The following CSMD1 variants were observed in gnomAD, a reference collection of about 807,000 sequenced individuals.
CSMD1 encodes the protein CUB and Sushi multiple domains 1.
Under a neutral mutation model 417.5 loss-of-function variants are expected in CSMD1, and 213 were observed. The observed-to-expected ratio is 0.51, with a 90% CI of 0.46 to 0.57. CSMD1 has a LOEUF of 0.57. Among genes scored for constraint, CSMD1 ranks in the 20% least tolerant of loss-of-function variants. The probability of loss-of-function intolerance (pLI) is 0.00; values close to 1 mark genes in which losing one functional copy is unlikely to be tolerated. For synonymous variants in CSMD1, 2,862 were observed against 1,736.8 expected (o/e 1.65, Z -16.11); for missense variants, 6,923 against 4,529.7 (o/e 1.53, Z -15.17).
chr8:3,913,557 A>G (rs1027686850), intron 5 of CSMD1, among the ~76,000 whole-genome samples: 1 of 152,186 alleles, frequency 6.6e-6, no homozygotes, highest in Non-Finnish European at 1.5e-5. Flanking sequence ...ATAATAAGGC[A>G]ACAAAGAATA....
chr8:4,471,631 C>T (rs1474762306), intron 2 of CSMD1, among the ~76,000 whole-genome samples: 1 of 151,916 alleles, frequency 6.6e-6, no homozygotes, highest in Non-Finnish European at 1.5e-5. Flanking sequence ...AACTCTGCGG[C>T]GACTGGTTGG....
chr8:4,483,972 T>C (rs74869607), intron 2 of CSMD1, among the ~76,000 whole-genome samples: 1 of 152,152 alleles, frequency 6.6e-6, no homozygotes, highest in African/African-American at 2.4e-5. Flanking sequence ...TCCTGCGTTT[T>C]CGGAGAGAGC....
At chr8:4,685,746 G>A (rs946680883) in intron 1 of CSMD1, among the ~76,000 whole-genome samples, 5 of 152,246 alleles carry the variant, frequency 3.3e-5, no homozygotes, top group East Asian at 1.9e-4. Context: ...AAGAAATTAC[G>A]TTTCAAATCT....
chr8:4,245,043 C>T (rs1802622478), intron 3 of CSMD1, among the ~76,000 whole-genome samples: 1 of 152,146 alleles, frequency 6.6e-6, no homozygotes, highest in East Asian at 1.9e-4. Context: ...AACCACCATT[C>T]ATTAGAAAAT....
intron 3 of CSMD1, among the ~76,000 whole-genome samples, chr8:4,125,727 T>C (rs1198039238): frequency 3.3e-5 from 5 of 152,158 alleles, no homozygotes; most frequent in African/African-American, 1.2e-4. Flanking sequence ...GGAATTCAGT[T>C]CACAGTTTGA....
intron 5 of CSMD1, among the ~76,000 whole-genome samples, chr8:3,877,346 G>A (rs560367484): frequency 3.7e-4 from 56 of 152,290 alleles, no homozygotes; most frequent in African/African-American, 1.3e-3. Flanking sequence ...GATGGGGGAG[G>A]CATGTGCTCT....
At chr8:4,908,486 C>T (rs1049496311) in intron 1 of CSMD1, among the ~76,000 whole-genome samples, 19 of 152,194 alleles carry the variant, frequency 1.2e-4, no homozygotes, top group Middle Eastern at 3.4e-3. Context: ...ATGAATTTTA[C>T]GGTGTACCTT....
At chr8:3,444,904 G>A (rs748138082) in intron 12 of CSMD1, among the ~76,000 whole-genome samples, 1 of 152,100 alleles carries the variant, frequency 6.6e-6, no homozygotes, top group Non-Finnish European at 1.5e-5. Flanking sequence ...AACACAGCTG[G>A]TCAGTGCACG....
intron 13 of CSMD1, 58 bp from the exon 14 acceptor site, chr8:3,408,283 G>C: frequency 7.4e-7 from 1 of 1,360,284 alleles, no homozygotes; most frequent in African/African-American, 1.4e-5. Flanking sequence ...GAATTGCCAT[G>C]TGAAACAGAC....
intron 3 of CSMD1, among the ~76,000 whole-genome samples, chr8:4,299,361 G>C (rs6996305): frequency 8.6e-4 from 131 of 152,150 alleles, no homozygotes; most frequent in Middle Eastern, 3.4e-3. Context: ...TTGACATATT[G>C]TAAGTGTCTG....
rs542090922 is a variant in CSMD1, at chr8:4,922,800, T to A, written c.85+71532A>T. Among the ~76,000 whole-genome samples, 7 of 152,278 alleles carry A rather than the reference T, an allele frequency of 4.6e-5. No homozygotes were observed. In the East Asian group the frequency reaches 1.4e-3, roughly 29 times the overall value. ...GACACCAAAGTCACCCCAAGAAGTGTTTCCTTCTACACAGGGAAATGACTT... is the reference window on the plus strand; with the variant it reads ...GACACCAAAGTCACCCCAAGAAGTGATTCCTTCTACACAGGGAAATGACTT... On this transcript the variant is annotated intron_variant, in intron 1 of 69. Coordinates refer to ENST00000635120, the MANE Select transcript of CSMD1 (RefSeq NM_033225.6).
At chr8:4,287,413 GTTTC>G (rs1281449426) in intron 3 of CSMD1, among the ~76,000 whole-genome samples, 2 of 152,092 alleles carry the variant, frequency 1.3e-5, no homozygotes, top group Admixed American at 6.6e-5. Context: ...CCACCAGAAG[GTTTC>G]TTTCTAACTA....
At chr8:3,473,492 T>C (rs1421019387) in intron 11 of CSMD1, among the ~76,000 whole-genome samples, 1 of 152,220 alleles carries the variant, frequency 6.6e-6, no homozygotes, top group Non-Finnish European at 1.5e-5. Context: ...TGTTCCTCTT[T>C]CTGGTTTTTA....
chr8:3,214,359 C>A (rs139203391), intron 30 of CSMD1, 138 bp downstream of exon 30: 3 of 687,092 alleles, frequency 4.4e-6, no homozygotes, highest in Non-Finnish European at 7.1e-6. Context: ...GACTGATATT[C>A]GTTCCACACT....
At chr8:4,450,430 A>G (rs990275857) in intron 2 of CSMD1, among the ~76,000 whole-genome samples, 2 of 152,128 alleles carry the variant, frequency 1.3e-5, no homozygotes, top group African/African-American at 4.8e-5. Context: ...AATGGAGACC[A>G]TCTTGGCCAA....
chr8:3,741,480 T>G (rs1218344883), intron 6 of CSMD1, among the ~76,000 whole-genome samples: 3 of 152,204 alleles, frequency 2.0e-5, no homozygotes, highest in Non-Finnish European at 4.4e-5. Flanking sequence ...TTTACATATT[T>G]ACCAAGTAAA....
At chr8:3,241,755 T>C (rs1184424701) in intron 26 of CSMD1, among the ~76,000 whole-genome samples, 1 of 152,076 alleles carries the variant, frequency 6.6e-6, no homozygotes, top group East Asian at 1.9e-4. Context: ...TCTTGTGTGC[T>C]GGAGATGTGG....
intron 3 of CSMD1, among the ~76,000 whole-genome samples, chr8:4,109,046 C>T (rs749558589): frequency 6.6e-6 from 1 of 152,104 alleles, no homozygotes; most frequent in Non-Finnish European, 1.5e-5. Context: ...TGCTCAAGTC[C>T]GTCATATAAA....
In CSMD1 at chr8:3,131,159, T is replaced by A. The variant is rs113410337; in HGVS notation, c.6241+11306A>T. Among the ~76,000 whole-genome samples, 979 of 152,242 alleles carry A rather than the reference T, an allele frequency of 6.4e-3. 13 individuals are homozygous for A. The highest frequency in any genetic ancestry group is 0.02 in the African/African-American group (820 of 41,554). ...CCATTTTAAAATATTCCTACAAAAG[T>A]GCGATAAAGCAAAATTTGTGGCTTA... On this transcript the variant is annotated intron_variant, in intron 41 of 69. Coordinates refer to ENST00000635120, the MANE Select transcript of CSMD1 (RefSeq NM_033225.6).
Sources: gnomAD v4.1 joint callset for allele counts (sites outside exome capture counted in the v4.1 genomes callset) on GRCh38, gnomAD v4.1.1 for gene constraint, MANE v1.5 for transcripts, NCBI Gene and HGNC (gene_info 2026-07-23, HGNC 2026-07-21) for gene names.